Variants in NLRP13 observed in about 807,000 individuals in gnomAD.
NLRP13 encodes the protein NACHT, LRR and PYD domains-containing protein 13.
A neutral mutation model predicts 94.4 loss-of-function variants in NLRP13; 82 were observed. The observed-to-expected ratio is 0.87, with a 90% confidence interval of 0.73 to 1.04. The LOEUF is 1.04. Among genes scored for constraint, NLRP13 ranks in the 50% least tolerant of loss-of-function variants. The pLI is 0.00. For synonymous variants in NLRP13, 553 were observed against 464.7 expected, an observed-to-expected ratio of 1.19 and a Z score of -2.45; for missense variants, 1,426 against 1,230.8, an observed-to-expected ratio of 1.16 and a Z score of -2.37.
downstream of NLRP13, among the ~76,000 whole-genome samples, chr19:55,894,412 T>C (rs901231102): frequency 5.3e-5 from 8 of 152,150 alleles, no homozygotes; most frequent in South Asian, 4.1e-4. Flanking sequence ...TGCTCTTCTC[T>C]CAGTGCCTCA....
rs748771272 is a variant in NLRP13, at chr19:55,912,386, T to G, written c.1431A>C (p.Pro477=). The change falls in exon 5 of 11, where the codon CCA becomes CCC. Residue 477 remains proline (P), a synonymous_variant. Coordinates refer to ENST00000342929, the MANE Select transcript of NLRP13 (RefSeq NM_176810.2). ...AEVDLADDSW[P]GQWRALCSLA... ...GACTGCAGAGGGCCCTCCATTGTCC[T>G]GGCCAGCTGTCATCTGCCAAATCTA... The G allele has an allele frequency of 2.0e-5, 33 of 1,614,172 alleles. No homozygotes were observed. Among genetic ancestry groups the G allele is most frequent in the Non-Finnish European group, 2.8e-5 (33 of 1,180,012 alleles).
intron 4 of NLRP13, among the ~76,000 whole-genome samples, chr19:55,914,267 C>T (rs1029350370): frequency 6.6e-6 from 1 of 152,182 alleles, no homozygotes; most frequent in African/African-American, 2.4e-5. Flanking sequence ...GGGCCTACTA[C>T]GTATGCTGAG....
chr19:55,896,626 C>T (rs1044326512), intron 10 of NLRP13, among the ~76,000 whole-genome samples: 79 of 151,310 alleles, frequency 5.2e-4, no homozygotes, highest in African/African-American at 1.7e-3. Context: ...ACACCAGCCT[C>T]GACAAGATGG....
intron 4 of NLRP13, among the ~76,000 whole-genome samples, chr19:55,913,626 A>G (rs3889036): frequency 1.3e-5 from 2 of 151,836 alleles, no homozygotes; most frequent in South Asian, 4.2e-4. Context: ...AATGAAAAAT[A>G]CAGAATAACA....
chr19:55,913,323 G>A lies in NLRP13; in HGVS notation c.524-30C>T, dbSNP rs1865956. 5.0e-6 allele frequency: 8 copies of A among 1,589,634 alleles called. No individual in the cohort carries two copies. In the African/African-American group the frequency reaches 5.4e-5, roughly 11 times the overall value. On this transcript the variant is annotated intron_variant, in intron 4 of 10. Transcript: ENST00000342929. Reference sequence around the variant, plus strand: ...AGAGGGCGGAGTGGGGAGAAGAATGGTAAGAATAAATTTCAGAGTTAGGAA... The same window carrying A: ...AGAGGGCGGAGTGGGGAGAAGAATGATAAGAATAAATTTCAGAGTTAGGAA...
intron 10 of NLRP13, 25 bp from the exon 11 acceptor site, chr19:55,896,144 C>T (rs1986002540): frequency 6.2e-7 from 1 of 1,611,630 alleles, no homozygotes; most frequent in African/African-American, 1.3e-5. Context: ...GAAGAAAGCA[C>T]AACAGATAGT....
chr19:55,926,433 CT>C (rs1568446983), intron 1 of NLRP13, among the ~76,000 whole-genome samples: 2 of 152,230 alleles, frequency 1.3e-5, no homozygotes, highest in East Asian at 3.8e-4. Flanking sequence ...GGAAGTTCCA[CT>C]GGTCACTCAC....
downstream of NLRP13, among the ~76,000 whole-genome samples, chr19:55,893,946 C>T (rs1040351878): frequency 1.3e-5 from 2 of 151,774 alleles, no homozygotes; most frequent in African/African-American, 4.8e-5. Flanking sequence ...TCGTGACTCA[C>T]TTCCTAAAGT....
chr19:55,922,899 A>G lies in NLRP13; in HGVS notation c.523+1015T>C, dbSNP rs28589670. Among the ~76,000 whole-genome samples the G allele has an allele frequency of 1.7e-3, 262 of 152,338 alleles. 3 individuals carry two copies. The highest frequency in any genetic ancestry group is 6.0e-3 in the African/African-American group (249 of 41,574). On this transcript the variant is annotated intron_variant, in intron 4 of 10. Coordinates refer to ENST00000342929, the MANE Select transcript of NLRP13 (RefSeq NM_176810.2). The stretch of plus-strand genomic sequence containing the variant: ...TAATCACTTATGACCATAGAAACAA[A>G]TATCAGAAGTAGCCCCAAAGAGTAG...
At chr19:55,927,472 T>TG (rs1986996416) in intron 1 of NLRP13, among the ~76,000 whole-genome samples, 1 of 140,840 alleles carries the variant, frequency 7.1e-6, no homozygotes, top group Non-Finnish European at 1.5e-5. Context: ...AAAAAAAAAA[T>TG]CCCAGTTCTG....
chr19:55,931,717 A>G (rs113860941), intron 1 of NLRP13, among the ~76,000 whole-genome samples: 2 of 66,690 alleles, frequency 3.0e-5, no homozygotes, highest in African/African-American at 1.1e-4. Flanking sequence ...CTCAAAAAAA[A>G]AAAAAAAAGA....
intron 7 of NLRP13, among the ~76,000 whole-genome samples, chr19:55,907,335 GC>G (rs1198864644): frequency 6.6e-6 from 1 of 152,098 alleles, no homozygotes; most frequent in Non-Finnish European, 1.5e-5. Context: ...CACTCAAGAG[GC>G]CGAGGCAAGC....
At position 55,896,169 on chromosome 19, in the gene NLRP13, A is replaced by C. The variant is rs775570068; in HGVS notation, c.2958-50T>G. On this transcript the variant is annotated intron_variant, in intron 10 of 10. Transcript: ENST00000342929. ...CAACAGATAGTCCTCTGAGACTGGG[A>C]AGTTAGAAAAGAGATACCACATCTG... 13 of 1,584,262 alleles carry C rather than the reference A, an allele frequency of 8.2e-6. No individual in the cohort carries two copies. The East Asian group carries it at 2.7e-4, about 33-fold the overall frequency.
intron 1 of NLRP13, among the ~76,000 whole-genome samples, chr19:55,930,898 A>ATATACACGTATATATATAC: frequency 9.5e-6 from 1 of 104,892 alleles, no homozygotes; most frequent in African/African-American, 3.9e-5. Context: ...ATATATATAT[A>ATATACACGTATATATATAC]AAATTTTAAC....
intron 1 of NLRP13, among the ~76,000 whole-genome samples, chr19:55,926,813 AAT>A (rs1986976705): frequency 6.6e-6 from 1 of 152,196 alleles, no homozygotes; most frequent in African/African-American, 2.4e-5. Context: ...ATGCATGAAG[AAT>A]ATAGAGTAAT....
At chr19:55,910,896 G>T (rs1986491548) in intron 5 of NLRP13, among the ~76,000 whole-genome samples, 163 bp from the exon 6 acceptor site, 1 of 152,200 alleles carries the variant, frequency 6.6e-6, no homozygotes, top group Non-Finnish European at 1.5e-5. Flanking sequence ...CACTTTGGGA[G>T]ACCGTCGGGA....
chr19:55,929,918 AAG>A (rs1242364759), intron 1 of NLRP13, among the ~76,000 whole-genome samples: 1 of 152,208 alleles, frequency 6.6e-6, no homozygotes, highest in Non-Finnish European at 1.5e-5. Flanking sequence ...CAGTAAAAAA[AAG>A]AATTCTAAAT....
At chr19:55,894,548 C>T (rs1035206175), downstream of NLRP13, among the ~76,000 whole-genome samples, 4 of 152,324 alleles carry the variant, frequency 2.6e-5, no homozygotes, top group Non-Finnish European at 4.4e-5. Flanking sequence ...GGGACTCCTC[C>T]TTCCAGCCTC....
chr19:55,907,911 A>G lies in NLRP13; in HGVS notation c.2328T>C (p.Ile776=), dbSNP rs1986399366. ...TPEWVLQDLI[I]ALQGNSKLTH... ...TCAGCTTGCTGTTACCCTGAAGGGC[A>G]ATAATGAGGTCCTGCAGAACCCACT... Residue 776 remains isoleucine, a synonymous_variant, in exon 7 of 11, where the codon ATT becomes ATC. Coordinates refer to ENST00000342929, the MANE Select transcript of NLRP13 (RefSeq NM_176810.2). 1 of 1,613,014 alleles carries G rather than the reference A, an allele frequency of 6.2e-7. No individual in the cohort carries two copies. The highest frequency in any genetic ancestry group is 8.5e-7 in the Non-Finnish European group (1 of 1,179,448).
Sources: allele counts gnomAD v4.1 joint callset (sites outside exome capture counted in the v4.1 genomes callset), GRCh38; gene constraint gnomAD v4.1.1; transcripts MANE v1.5; gene names NCBI Gene and HGNC (gene_info 2026-07-23, HGNC 2026-07-21).